The following MYBPC2 variants were observed in gnomAD, a reference collection of about 807,000 sequenced individuals.
MYBPC2 encodes the protein myosin-binding protein C, fast-type.
A neutral mutation model predicts 137.0 loss-of-function variants in MYBPC2; 122 were observed. The observed-to-expected ratio is 0.89, with a 90% CI of 0.77 to 1.03. The LOEUF (loss-of-function observed/expected upper bound fraction) is 1.03, where lower values mean the gene tolerates loss of function less well. MYBPC2 is among the 50% of genes least tolerant of loss of function. MYBPC2 has a pLI of 0.00. For synonymous variants in MYBPC2, 626 were observed against 612.3 expected (o/e 1.02, Z -0.33); for missense variants, 1,500 against 1,534.4 (o/e 0.98, Z 0.37).
Position 50,435,918 on chromosome 19 carries a change from G to A in MYBPC2, c.196+56G>A, listed in dbSNP as rs915246567. The A allele has an allele frequency of 2.6e-6, 4 of 1,548,910 alleles. No homozygotes were observed. The African/African-American group carries it at 4.1e-5, about 16-fold the overall frequency. On this transcript the variant is annotated intron_variant, in intron 3 of 27. Coordinates refer to ENST00000357701, the MANE Select transcript of MYBPC2 (RefSeq NM_004533.4). This position sits in a 1 kb window ranked among gnomAD's most constrained non-coding sequence, Gnocchi z 4.8. ...GGCCCGGACTCCTGGGTCTGAGGGA[G>A]GAGGGGCCAGGGTCTCGTTCTGTCT... is the stretch of plus-strand genomic sequence containing the variant.
chr19:50,452,102 G>A (rs143082344), intron 16 of MYBPC2, 99 bp downstream of exon 16: 3 of 1,304,652 alleles, frequency 2.3e-6, no homozygotes, highest in Non-Finnish European at 3.2e-6. Flanking sequence ...TGAGGGTGAT[G>A]GTTCCTTCTT....
Position 50,465,738 on chromosome 19 carries a change from G to C in MYBPC2, c.3416-457G>C, listed in dbSNP as rs2040009835. Among the ~76,000 whole-genome samples the C allele has an allele frequency of 6.6e-6, 1 of 152,140 alleles. No homozygotes were observed. The highest frequency in any genetic ancestry group is 2.4e-5 in the African/African-American group (1 of 41,420). ...CACATGCCTGTTGTCCCAGCTACCT[G>C]GGGGGCTGGGGCAGGAGGATCACTT... On this transcript the variant is annotated intron_variant, in intron 27 of 27. Transcript: ENST00000357701. This position sits in a 1 kb window ranked among gnomAD's most constrained non-coding sequence, Gnocchi z 4.5.
chr19:50,459,089 C>T (rs1355653132), intron 22 of MYBPC2, 22 bp from the exon 23 acceptor site: 1 of 1,551,176 alleles, frequency 6.4e-7, no homozygotes, highest in South Asian at 1.2e-5. Context: ...TGACCCCACC[C>T]CGCCCCGCCC....
intron 20 of MYBPC2, among the ~76,000 whole-genome samples, chr19:50,456,498 T>C (rs1289978350): frequency 1.3e-5 from 2 of 150,422 alleles, no homozygotes; most frequent in African/African-American, 4.9e-5. Flanking sequence ...AGTGGCACGA[T>C]TGGCTCACTG....
At chr19:50,458,370 C>T (rs2039933036) in intron 20 of MYBPC2, among the ~76,000 whole-genome samples, 6 of 149,600 alleles carry the variant, frequency 4.0e-5, no homozygotes, top group Admixed American at 2.0e-4. Context: ...GGCGAGACTC[C>T]GTTTAAAAAA....
Position 50,445,907 on chromosome 19 carries a change from G to A in MYBPC2, c.1161G>A (p.Arg387=). 6.2e-7 allele frequency: 1 copy of A among 1,609,284 alleles called. No individual in the cohort carries two copies. Among genetic ancestry groups the A allele is most frequent in the South Asian group, 1.1e-5 (1 of 89,902 alleles). ...TGAAAGATGGTGTGGAACTGACTCG[G>A]GAGGATTCCTTCAAGGCCCGGTACC... ...MWMKDGVELT[R]EDSFKARYRF... is the part of the protein sequence containing the mutation. The change falls in exon 12 of 28, where the codon CGG becomes CGA. Residue 387 remains arginine, a synonymous_variant. Coordinates refer to ENST00000357701, the MANE Select transcript of MYBPC2 (RefSeq NM_004533.4).
rs756938204 is a variant in MYBPC2, at chr19:50,461,567, A to T, written c.2957A>T (p.Asn986Ile). 6.2e-7 allele frequency: 1 copy of T among 1,613,718 alleles called. No individual in the cohort carries two copies. Among genetic ancestry groups the T allele is most frequent in the Non-Finnish European group, 8.5e-7 (1 of 1,179,848 alleles). Reference protein sequence around the residue: ...TMEWFNVYERNRHTSCTVSDL... With the variant: ...TMEWFNVYERIRHTSCTVSDL... ...GAGTGGTTCAACGTCTATGAACGTA[A>T]CAGGCACACTAGCTGTACTGTGTCC... The change falls in exon 25 of 28, where the codon AAC becomes ATC. Residue 986 changes from asparagine to isoleucine, a missense_variant. Coordinates refer to ENST00000357701, the MANE Select transcript of MYBPC2 (RefSeq NM_004533.4).
In MYBPC2 at chr19:50,459,237, G is replaced by A. The variant is rs367609198; in HGVS notation, c.2722G>A (p.Gly908Arg). The A allele has an allele frequency of 2.2e-5, 36 of 1,611,244 alleles. No homozygotes were observed. Among genetic ancestry groups the A allele is most frequent in the Non-Finnish European group, 3.1e-5 (36 of 1,179,558 alleles). ...FVRQAARSDSGEYELSVQIEN... is the reference protein window; with the variant it reads ...FVRQAARSDSREYELSVQIEN... ...GCGCCAGGCGGCCCGCTCCGACTCC[G>A]GGGAGTACGAGCTGAGCGTGCAGAT... Residue 908 changes from glycine to arginine, a missense_variant, in exon 23 of 28, where the codon GGG (glycine) becomes AGG (arginine). Transcript: ENST00000357701.
Position 50,461,577 on chromosome 19 carries a change from T to G in MYBPC2, c.2967T>G (p.Thr989=). Residue 989 remains threonine, a synonymous_variant, in exon 25 of 28, where the codon ACT becomes ACG. Coordinates refer to ENST00000357701, the MANE Select transcript of MYBPC2 (RefSeq NM_004533.4). The part of the protein sequence containing the change: ...WFNVYERNRH[T]SCTVSDLIVG... ...ACGTCTATGAACGTAACAGGCACACTAGCTGTACTGTGTCCGACCTTATCG... is the reference window on the plus strand; with the variant it reads ...ACGTCTATGAACGTAACAGGCACACGAGCTGTACTGTGTCCGACCTTATCG... The G allele has an allele frequency of 6.2e-7, 1 of 1,613,622 alleles. No homozygotes were observed. The highest frequency in any genetic ancestry group is 8.5e-7 in the Non-Finnish European group (1 of 1,179,838).
chr19:50,437,845 A>C, intron 7 of MYBPC2, 127 bp downstream of exon 7: 1 of 1,068,852 alleles, frequency 9.4e-7, no homozygotes, highest in Admixed American at 2.1e-5. Flanking sequence ...CCATCTGTTC[A>C]CTCCCTGCCC....
rs562218499 is a variant in MYBPC2 at position 50,459,297 on chromosome 19, C to T, written c.2782C>T (p.Arg928Cys). The part of the protein sequence containing the change: ...NMKDTATIRI[R>C]VVEKAGPPIN... ...GAAGGACACCGCCACCATCCGCATC[C>T]GCGTTGTGGGTGCGCGCGCTGGGGA... The change falls in exon 23 of 28, where the codon CGC becomes TGC. Residue 928 changes from arginine (R) to cysteine (C), a missense_variant. By Grantham distance (180) the Arg-to-Cys change is radical. Coordinates refer to ENST00000357701, the MANE Select transcript of MYBPC2 (RefSeq NM_004533.4). The T allele has an allele frequency of 3.2e-5, 51 of 1,594,650 alleles. No homozygotes were observed. In the East Asian group the frequency reaches 9.8e-4, roughly 31 times the overall value.
Position 50,455,193 on chromosome 19 carries a change from C to G in MYBPC2, c.2100C>G (p.Ser700=), listed in dbSNP as rs1217281365. The change falls in exon 19 of 28, where the codon TCC becomes TCG. Residue 700 remains serine, a synonymous_variant. Transcript: ENST00000357701. ...FEVFTETTYE[S]TKMIEGILYE... is the part of the protein sequence containing the mutation. Reference sequence around the variant, plus strand: ...TCTTCACAGAGACCACCTATGAGTCCACCAAGATGATCGAGGGCATCCTCT... The same window carrying G: ...TCTTCACAGAGACCACCTATGAGTCGACCAAGATGATCGAGGGCATCCTCT... 6.2e-7 allele frequency: 1 copy of G among 1,613,840 alleles called. No individual in the cohort carries two copies. The highest frequency in any genetic ancestry group is 1.3e-5 in the African/African-American group (1 of 74,914).
intron 1 of MYBPC2, among the ~76,000 whole-genome samples, chr19:50,433,628 C>T (rs991090951): frequency 7.2e-5 from 11 of 152,092 alleles, no homozygotes; most frequent in African/African-American, 2.7e-4. Flanking sequence ...CCCCCAACCT[C>T]AGGTGATCCA....
chr19:50,461,003 A>G (rs962917015), intron 24 of MYBPC2, among the ~76,000 whole-genome samples: 3 of 119,312 alleles, frequency 2.5e-5, no homozygotes, highest in Non-Finnish European at 5.1e-5. Context: ...TATTTCTTTT[A>G]AATTTTTTTT....
Position 50,459,106 on chromosome 19 carries a change from C to G in MYBPC2, c.2596-5C>G, listed in dbSNP as rs1332188249. 2 of 1,556,802 alleles carry G rather than the reference C, an allele frequency of 1.3e-6. No homozygotes were observed. The highest frequency in any genetic ancestry group is 1.7e-6 in the Non-Finnish European group (2 of 1,151,434). ...ACCCCACCCCGCCCCGCCCTCTCCC[C>G]GCAGGGAAAGCCCCGGCCCCAGGTG... is the stretch of plus-strand genomic sequence containing the variant. On this transcript the variant is annotated splice_polypyrimidine_tract_variant and splice_region_variant and intron_variant, in intron 22 of 27. Transcript: ENST00000357701.
intron 26 of MYBPC2, among the ~76,000 whole-genome samples, chr19:50,464,041 G>A (rs1228746475): frequency 1.3e-5 from 2 of 152,116 alleles, no homozygotes; most frequent in Non-Finnish European, 2.9e-5. Context: ...CAGTGAGGTA[G>A]CCTGTTTGGC....
Position 50,435,181 on chromosome 19 carries a change from G to T in MYBPC2, c.40G>T (p.Gly14Cys). 1 of 1,371,654 alleles carries T rather than the reference G, an allele frequency of 7.3e-7. No individual in the cohort carries two copies. The highest frequency in any genetic ancestry group is 2.3e-5 in the East Asian group (1 of 43,324). 85.0% of individuals were successfully genotyped at this position (1,371,654 alleles called of 1,614,324 possible). The change falls in exon 2 of 28, where the codon GGC becomes TGC. Residue 14 changes from glycine (G) to cysteine (C), a missense_variant. Transcript: ENST00000357701. The surrounding 1 kb of genome is among the most constrained non-coding windows in gnomAD (Gnocchi z 4.8). ...TACAGCGGCCAAAAAGGCCCCCAAA[G>T]GCAAAGATGCCCCCAAAGGAGCCCC... is the stretch of plus-strand genomic sequence containing the variant. ...AKPAAKKAPK[G>C]KDAPKGAPKE...
At chr19:50,452,492 G>GTATCTATCTATCTATCTATC (rs762606865) in intron 16 of MYBPC2, among the ~76,000 whole-genome samples, 1 of 123,010 alleles carries the variant, frequency 8.1e-6, no homozygotes, top group African/African-American at 2.9e-5. Context: ...ATGTATGTAT[G>GTATCTATCTATCTATCTATC]TATGTATGTA....
chr19:50,441,121 C>T lies in MYBPC2; in HGVS notation c.769+45C>T, dbSNP rs761545697. The T allele has an allele frequency of 4.7e-6, 7 of 1,501,464 alleles. No homozygotes were observed. In the Admixed American group the frequency reaches 7.0e-5, roughly 15 times the overall value. The allele number at this position is 1,501,464 out of a possible 1,614,324, so 93.0% of individuals were successfully genotyped here. A position where few individuals can be genotyped will look rare whatever the true frequency, so the allele number is the denominator to read the frequency against. ...GAGCTGGGCCCTGCACACAAGGGAC[C>T]CCTAGCCTTGTGGGTGTCTAATGAT... On this transcript the variant is annotated intron_variant, in intron 8 of 27. Transcript: ENST00000357701.
Sources: allele counts gnomAD v4.1 joint callset (sites outside exome capture counted in the v4.1 genomes callset), GRCh38; gene constraint gnomAD v4.1.1; non-coding constraint Gnocchi (gnomAD v3.1); transcripts MANE v1.5; gene names NCBI Gene and HGNC (gene_info 2026-07-23, HGNC 2026-07-21).